DUS1L: variants seen among roughly 807,000 people sequenced by gnomAD.
The protein encoded by DUS1L is tRNA-dihydrouridine(16/17) synthase [NAD(P)(+)]-like.
In DUS1L, 56 loss-of-function variants were observed where a neutral mutation model predicts 61.2. That is an observed-to-expected ratio of 0.92 (90% CI 0.74 to 1.14). DUS1L has a LOEUF of 1.14. Among genes scored for constraint, DUS1L ranks in the 50% most tolerant of loss-of-function variants. DUS1L has a pLI of 0.00. For synonymous variants in DUS1L, 278 were observed against 259.5 expected (o/e 1.07, Z -0.69); for missense variants, 630 against 632.4 (o/e 1.00, Z 0.04).
intron 12 of DUS1L, 87 bp from the exon 13 acceptor site, chr17:82,058,503 C>T: frequency 6.8e-7 from 1 of 1,471,966 alleles, no homozygotes. Flanking sequence ...ACTGGGGAAG[C>T]CTCTGCCAGA....
chr17:82,065,330 G>A (rs1025442597), intron 1 of DUS1L: 6 of 455,648 alleles, frequency 1.3e-5, no homozygotes, highest in African/African-American at 2.0e-5. Context: ...CCTGGTAGGG[G>A]ACTGGCGTGA....
chr17:82,059,813 G>T, intron 11 of DUS1L, 135 bp downstream of exon 11: 1 of 1,313,800 alleles, frequency 7.6e-7, no homozygotes, highest in South Asian at 1.4e-5. Flanking sequence ...ACTCCGCCAA[G>T]CCCTCCAGGT....
Position 82,057,918 on chromosome 17 carries a change from G to C in DUS1L, c.*197C>G, listed in dbSNP as rs535792854. The C allele has an allele frequency of 1.9e-6, 1 of 513,204 alleles. No individual in the cohort carries two copies. Among genetic ancestry groups the C allele is most frequent in the Non-Finnish European group, 3.2e-6 (1 of 308,728 alleles). The allele number at this position is 513,204 out of a possible 1,614,324, so 31.8% of individuals were successfully genotyped here. A position where few individuals can be genotyped will look rare whatever the true frequency, so the allele number is the denominator to read the frequency against. ...ATTTATTGTTCACTTTTGCACACGCGTGCTGAGGACAGGGCAGGTCCAGCC... is the reference window on the plus strand; with the variant it reads ...ATTTATTGTTCACTTTTGCACACGCCTGCTGAGGACAGGGCAGGTCCAGCC... On this transcript the variant is annotated 3_prime_UTR_variant, in exon 14 of 14. Coordinates refer to ENST00000306796, the MANE Select transcript of DUS1L (RefSeq NM_022156.5).
rs1352308995 is a variant in DUS1L at position 82,058,183 on chromosome 17, C to T, written c.1354G>A (p.Glu452Lys). 6.2e-6 allele frequency: 10 copies of T among 1,601,140 alleles called. No individual in the cohort carries two copies. In the East Asian group the frequency reaches 1.6e-4, roughly 25 times the overall value. ...AWKEAQPELQ[E>K]PQPAAPGTPG... ...GTTCCAGGTGCTGCTGGCTGAGGCT[C>T]CTGCAGCTCAGGCTGGGCCTCTTTC... Residue 452 changes from glutamate to lysine, a missense_variant, in exon 14 of 14, where the codon GAG (glutamate) becomes AAG (lysine). Transcript: ENST00000306796.
At chr17:82,058,860 G>C (rs1253771787) in intron 11 of DUS1L, 42 bp from the exon 12 acceptor site, 1 of 1,575,214 alleles carries the variant, frequency 6.3e-7, no homozygotes, top group East Asian at 2.2e-5. Context: ...GAGGGCCAGG[G>C]TGCCCTGGCT....
chr17:82,061,011 G>A (rs746890056), intron 8 of DUS1L, 50 bp from the exon 9 acceptor site: 2 of 1,587,332 alleles, frequency 1.3e-6, no homozygotes, highest in South Asian at 1.1e-5. Context: ...TCCACCGTCA[G>A]GCCCCAGGCT....
In DUS1L at chr17:82,058,153, C is replaced by G; in HGVS notation, c.1384G>C (p.Gly462Arg). 1.9e-6 allele frequency: 3 copies of G among 1,594,940 alleles called. No homozygotes were observed. The highest frequency in any genetic ancestry group is 2.3e-5 in the East Asian group (1 of 44,070). The change falls in exon 14 of 14, where the codon GGT becomes CGT. Residue 462 changes from glycine to arginine, a missense_variant. Transcript: ENST00000306796. ...EPQPAAPGTPGGFSEVMGSAL... is the reference protein window; with the variant it reads ...EPQPAAPGTPRGFSEVMGSAL... ...CTGCCCATGACTTCGGAGAAGCCAC[C>G]TGGTGTTCCAGGTGCTGCTGGCTGA...
Position 82,061,723 on chromosome 17 carries a change from T to C in DUS1L, c.594-2A>G. On this transcript the variant is annotated splice_acceptor_variant, in intron 6 of 13. Transcript: ENST00000306796. LOFTEE classifies it high-confidence loss of function. ...AACACAGGGATGGCCACAGCCTTCC[T>C]GTTGGCAGAGAAATGCCTGTTTCCA... 6.2e-7 allele frequency: 1 copy of C among 1,612,684 alleles called. No individual in the cohort carries two copies. Among genetic ancestry groups the C allele is most frequent in the Non-Finnish European group, 8.5e-7 (1 of 1,179,796 alleles).
chr17:82,064,059 C>A, intron 3 of DUS1L, 67 bp downstream of exon 3: 1 of 1,421,162 alleles, frequency 7.0e-7, no homozygotes, highest in Non-Finnish European at 9.7e-7. Flanking sequence ...GCTCACCACA[C>A]CTGGGGCTGC....
intron 10 of DUS1L, chr17:82,060,449 G>GA: frequency 1.7e-6 from 1 of 593,276 alleles, no homozygotes; most frequent in East Asian, 2.8e-5. Flanking sequence ...TGTTATGGAA[G>GA]AAAAGATTTA....
intron 1 of DUS1L, chr17:82,065,404 T>A: frequency 3.8e-6 from 1 of 262,650 alleles, no homozygotes; most frequent in East Asian, 6.8e-5. Context: ...CGCCCGGCGG[T>A]GAAGTTAGGA....
rs886574879 is a variant in DUS1L, at chr17:82,063,247, G to A, written c.397+221C>T. Reference sequence around the variant, plus strand: ...TGGGCCCGAGCAAGGACTCTGCCCTGGCACCTACTGTCTGGTTTTAAGGGG... The same window carrying A: ...TGGGCCCGAGCAAGGACTCTGCCCTAGCACCTACTGTCTGGTTTTAAGGGG... On this transcript the variant is annotated intron_variant, in intron 4 of 13. Transcript: ENST00000306796. 9 of 657,684 alleles carry A rather than the reference G, an allele frequency of 1.4e-5. No homozygotes were observed. The African/African-American group carries it at 1.5e-4, about 11-fold the overall frequency. 40.7% of individuals were successfully genotyped at this position (657,684 alleles called of 1,614,324 possible). A position where few individuals can be genotyped will look rare whatever the true frequency, so the allele number is the denominator to read the frequency against.
At position 82,058,237 on chromosome 17, in the gene DUS1L, TA is replaced by T. The variant is rs1387801673; in HGVS notation, c.1299del (p.Phe433LeufsTer115). On this transcript the variant is annotated frameshift_variant, in exon 14 of 14. Coordinates refer to ENST00000306796, the MANE Select transcript of DUS1L (RefSeq NM_022156.5). LOFTEE classifies it low-confidence loss of function (END_TRUNC). The part of the protein sequence containing the change: ...TADCPGHGLL[F>X]KTKLEKSLAW... ...GCCAGAGACTTCTCCAATTTGGTTTTAAAAAGCAATCCGTGACCTGGCAGAG... is the reference window on the plus strand; with the variant it reads ...GCCAGAGACTTCTCCAATTTGGTTTTAAAAGCAATCCGTGACCTGGCAGAG... 2 of 1,583,634 alleles carry T rather than the reference TA, an allele frequency of 1.3e-6. No homozygotes were observed. The highest frequency in any genetic ancestry group is 1.7e-6 in the Non-Finnish European group (2 of 1,159,346).
Position 82,060,117 on chromosome 17 carries a change from G to T in DUS1L, c.1023-24C>A, listed in dbSNP as rs376516886. 188 of 1,607,182 alleles carry T rather than the reference G, an allele frequency of 1.2e-4. No individual in the cohort carries two copies. In the African/African-American group the frequency reaches 2.0e-3, roughly 17 times the overall value. ...GCCTGAGGGGAGGGCAGCGGGCAGA[G>T]CCCAAGGACACTGTGAGAGGGGCCC... is the stretch of plus-strand genomic sequence containing the variant. On this transcript the variant is annotated intron_variant, in intron 10 of 13. Coordinates refer to ENST00000306796, the MANE Select transcript of DUS1L (RefSeq NM_022156.5).
chr17:82,057,822 C>A lies in DUS1L; in HGVS notation c.*293G>T. The A allele has an allele frequency of 3.3e-6, 1 of 302,234 alleles. No individual in the cohort carries two copies. The highest frequency in any genetic ancestry group is 6.1e-6 in the Non-Finnish European group (1 of 163,126). The allele number at this position is 302,234 out of a possible 1,614,324, so 18.7% of individuals were successfully genotyped here. Reference sequence around the variant, plus strand: ...CCCCCACTGGCCCCAACCGCACCTGCCCCGGCTCATGCCTCCCTGGGTCTG... The same window carrying A: ...CCCCCACTGGCCCCAACCGCACCTGACCCGGCTCATGCCTCCCTGGGTCTG... On this transcript the variant is annotated 3_prime_UTR_variant, in exon 14 of 14. Coordinates refer to ENST00000306796, the MANE Select transcript of DUS1L (RefSeq NM_022156.5).
intron 10 of DUS1L, 81 bp downstream of exon 10, chr17:82,060,620 A>C (rs544381779): frequency 1.3e-6 from 2 of 1,515,376 alleles, no homozygotes; most frequent in Admixed American, 1.9e-5. Flanking sequence ...GAGGACAAGC[A>C]GGGCAGGCGC....
At chr17:82,062,014 C>T (rs2033528581) in intron 5 of DUS1L, 31 bp from the exon 6 acceptor site, 2 of 1,547,304 alleles carry the variant, frequency 1.3e-6, no homozygotes, top group African/African-American at 1.4e-5. Flanking sequence ...CTTGACCCCT[C>T]CAAGCCCCTT....
Position 82,061,602 on chromosome 17 carries a change from C to T in DUS1L, c.697+16G>A, listed in dbSNP as rs753690578. 1 of 1,606,858 alleles carries T rather than the reference C, an allele frequency of 6.2e-7. No individual in the cohort carries two copies. On this transcript the variant is annotated intron_variant, in intron 7 of 13. Coordinates refer to ENST00000306796, the MANE Select transcript of DUS1L (RefSeq NM_022156.5). ...GTGTGCATGGGGCCCTGGCTGCTGT[C>T]CTGGGCCCTGCCCACCTGCGCTCAT...
In DUS1L at chr17:82,057,535, G is replaced by A; in HGVS notation, c.*580C>T. On this transcript the variant is annotated 3_prime_UTR_variant, in exon 14 of 14. Coordinates refer to ENST00000306796, the MANE Select transcript of DUS1L (RefSeq NM_022156.5). ...CCCCTGGGTGGCCTTGGGTTCCTGAGGGCTGTCTCCCTGGGACTAGGCTTG... is the reference window on the plus strand; with the variant it reads ...CCCCTGGGTGGCCTTGGGTTCCTGAAGGCTGTCTCCCTGGGACTAGGCTTG... 1 of 339,096 alleles carries A rather than the reference G, an allele frequency of 2.9e-6. No homozygotes were observed. The highest frequency in any genetic ancestry group is 5.8e-6 in the Non-Finnish European group (1 of 173,462). The allele number at this position is 339,096 out of a possible 1,614,324, so 21.0% of individuals were successfully genotyped here. A position where few individuals can be genotyped will look rare whatever the true frequency, so the allele number is the denominator to read the frequency against.
Sources: allele counts gnomAD v4.1 joint callset, GRCh38; gene constraint gnomAD v4.1.1; transcripts MANE v1.5; gene names NCBI Gene and HGNC (gene_info 2026-07-23, HGNC 2026-07-21).